The following SH3TC2 variants were observed in gnomAD, a reference collection of about 807,000 sequenced individuals.
The protein encoded by SH3TC2 is SH3 domain and tetratricopeptide repeats 2.
Under a neutral mutation model 124.5 loss-of-function variants are expected in SH3TC2, and 87 were observed. The ratio of observed to expected loss-of-function variants is 0.70; its 90% CI spans 0.59 to 0.84. The LOEUF (loss-of-function observed/expected upper bound fraction) is 0.84. Among genes scored for constraint, SH3TC2 ranks in the 40% least tolerant of loss-of-function variants. The pLI, the probability that SH3TC2 is intolerant of heterozygous loss-of-function variation, is 0.00. For missense variants in SH3TC2, 1,536 were observed against 1,566.4 expected (o/e 0.98, Z 0.33); for synonymous variants, 634 against 628.5 (o/e 1.01, Z -0.13).
At chr5:149,055,803 C>T (rs972600658) in intron 1 of SH3TC2, among the ~76,000 whole-genome samples, 3 of 152,050 alleles carry the variant, frequency 2.0e-5, no homozygotes, top group East Asian at 1.9e-4. Context: ...CACAGCAAAC[C>T]GGGCATGGTG....
chr5:149,021,527 G>T (rs555198803), intron 12 of SH3TC2, among the ~76,000 whole-genome samples: 2 of 151,930 alleles, frequency 1.3e-5, no homozygotes, highest in South Asian at 4.2e-4. Context: ...TCTCTGGCTA[G>T]TCTGATCAAG....
intron 3 of SH3TC2, chr5:149,046,312 T>C (rs903015558): frequency 6.6e-6 from 1 of 152,632 alleles, no homozygotes; most frequent in African/African-American, 2.4e-5. Flanking sequence ...CACCCAGAGC[T>C]TTATGAGCAA....
intron 1 of SH3TC2, among the ~76,000 whole-genome samples, chr5:149,061,884 C>T (rs1433737670): frequency 3.3e-5 from 5 of 152,024 alleles, no homozygotes; most frequent in Non-Finnish European, 7.4e-5. Flanking sequence ...AAAGTCGTGC[C>T]TTTTGTGCCA....
intron 13 of SH3TC2, among the ~76,000 whole-genome samples, chr5:149,012,110 C>A (rs574253168): frequency 6.6e-6 from 1 of 152,302 alleles, no homozygotes; most frequent in South Asian, 2.1e-4. Context: ...GCTTTTCTCT[C>A]TTCAAAGCCC....
At position 148,984,630 on chromosome 5, in the gene SH3TC2, T is replaced by C. The variant is rs10072222; in HGVS notation, c.*20081A>G. Among the ~76,000 whole-genome samples the C allele has an allele frequency of 1.8e-3, 272 of 152,294 alleles. No homozygotes were observed. The highest frequency in any genetic ancestry group is 6.2e-3 in the African/African-American group (258 of 41,570). Reference sequence around the variant, plus strand: ...GCTTCATATATCTCCAAGGTTGGTCTTTCAGGTTGGCATATAGGAAGGAAT... The same window carrying C: ...GCTTCATATATCTCCAAGGTTGGTCCTTCAGGTTGGCATATAGGAAGGAAT... On this transcript the variant is annotated 3_prime_UTR_variant, in exon 17 of 17. Transcript: ENST00000515425.
rs1753366114 is a variant in SH3TC2 at position 148,988,263 on chromosome 5, A to C, written c.*16448T>G. 6.6e-6 allele frequency among the ~76,000 whole-genome samples: 1 copy of C among 152,036 alleles called. No individual in the cohort carries two copies. The highest frequency in any genetic ancestry group is 2.1e-4 in the South Asian group (1 of 4,810). On this transcript the variant is annotated 3_prime_UTR_variant, in exon 17 of 17. Coordinates refer to ENST00000515425, the MANE Select transcript of SH3TC2 (RefSeq NM_024577.4). ...CATGAAAATCATTATCAAAAATCCT[A>C]CCCCAGATGGGAATGTTATCTGGTC...
chr5:149,053,536 T>G (rs1754591980), intron 1 of SH3TC2, among the ~76,000 whole-genome samples: 2 of 152,210 alleles, frequency 1.3e-5, no homozygotes, highest in South Asian at 4.1e-4. Context: ...CTGGCAGCAA[T>G]GAGCTATATA....
rs1754317705 is a variant in SH3TC2 at position 149,038,386 on chromosome 5, C to T, written c.910G>A (p.Gly304Arg). ...GACTTTCCAATGAACCACTGAAGCC[C>T]AGGTATGACAAAGCCGATGATCTCA... ...SIEIIGFVIPGLQWFIGKSTS... is the reference protein window; with the variant it reads ...SIEIIGFVIPRLQWFIGKSTS... The change falls in exon 8 of 17, where the codon GGG becomes AGG. Residue 304 changes from glycine (G) to arginine (R), a missense_variant. Physicochemically the swap from Gly to Arg is moderately radical, Grantham distance 125. This residue lies in a region of SH3TC2 where 1,102 missense variants were observed against 1,098.6 expected (regional missense o/e 1.00). Transcript: ENST00000515425. 4 of 1,614,186 alleles carry T rather than the reference C, an allele frequency of 2.5e-6. No homozygotes were observed. In the South Asian group the frequency reaches 4.4e-5, roughly 18 times the overall value.
chr5:148,983,358 T>C lies in SH3TC2; in HGVS notation c.*21353A>G, dbSNP rs936934836. ...ACACCTGTGGCCTAAGATATGGTAA[T>C]GGAGGGAACAGACCAGGTTCTGAGT... On this transcript the variant is annotated 3_prime_UTR_variant, in exon 17 of 17. Coordinates refer to ENST00000515425, the MANE Select transcript of SH3TC2 (RefSeq NM_024577.4). 1.3e-5 allele frequency among the ~76,000 whole-genome samples: 2 copies of C among 152,140 alleles called. No individual in the cohort carries two copies. The highest frequency in any genetic ancestry group is 4.8e-5 in the African/African-American group (2 of 41,430).
At chr5:149,045,151 T>C (rs1238364600) in intron 3 of SH3TC2, 2 of 153,880 alleles carry the variant, frequency 1.3e-5, no homozygotes, top group African/African-American at 4.8e-5. Context: ...CTAAAGATCA[T>C]CAGTGTTAAC....
intron 1 of SH3TC2, chr5:149,057,664 A>G (rs1369227814): frequency 6.6e-6 from 1 of 152,122 alleles, no homozygotes; most frequent in Non-Finnish European, 1.5e-5. Flanking sequence ...CAAGCTCTCT[A>G]TTTTTCAAAT....
At chr5:149,014,158 A>G (rs1296076941) in intron 12 of SH3TC2, among the ~76,000 whole-genome samples, 1 of 152,176 alleles carries the variant, frequency 6.6e-6, no homozygotes, top group East Asian at 1.9e-4. Context: ...TTCCCAAAAC[A>G]TGATTTGTGG....
At position 149,041,585 on chromosome 5, in the gene SH3TC2, T is replaced by A. The variant is rs778685136; in HGVS notation, c.562A>T (p.Thr188Ser). 1 of 1,613,946 alleles carries A rather than the reference T, an allele frequency of 6.2e-7. No individual in the cohort carries two copies. The highest frequency in any genetic ancestry group is 2.2e-5 in the East Asian group (1 of 44,882). The change falls in exon 6 of 17, where the codon ACT (threonine) becomes TCT (serine). Residue 188 changes from threonine to serine, a missense_variant. Thr to Ser is a moderately conservative substitution (Grantham distance 58). Around this residue, in one of 3 missense-constraint regions of SH3TC2, gnomAD observed 1,102 missense variants for 1,098.6 expected, o/e 1.00. Transcript: ENST00000515425. ...HFFCRALCSV[T>S]PPAEKEGECL... The stretch of plus-strand genomic sequence containing the variant: ...TCCCCTTCCTTCTCGGCTGGTGGAG[T>A]CACGGAGCACAGGGCTCTGCAGAAG...
At chr5:149,037,920 G>A (rs1021043932) in intron 8 of SH3TC2, among the ~76,000 whole-genome samples, 2 of 152,144 alleles carry the variant, frequency 1.3e-5, no homozygotes, top group African/African-American at 4.8e-5. Flanking sequence ...CCCTATGTGG[G>A]ATCAGCATGC....
chr5:149,061,608 T>C (rs1754749746), intron 1 of SH3TC2, among the ~76,000 whole-genome samples: 1 of 152,066 alleles, frequency 6.6e-6, no homozygotes, highest in Admixed American at 6.5e-5. Flanking sequence ...ACAGAGAAGT[T>C]AAATAAGTTG....
intron 1 of SH3TC2, among the ~76,000 whole-genome samples, chr5:149,061,178 A>G (rs1754740772): frequency 6.6e-6 from 1 of 152,236 alleles, no homozygotes; most frequent in Non-Finnish European, 1.5e-5. Context: ...AGGTGAAAGA[A>G]TAAAGTAATT....
chr5:149,055,942 A>G (rs1040063829), intron 1 of SH3TC2, among the ~76,000 whole-genome samples: 2 of 152,110 alleles, frequency 1.3e-5, no homozygotes, highest in African/African-American at 4.8e-5. Context: ...AAATAAATCC[A>G]ATACAACAAT....
At chr5:149,023,072 C>T (rs2127395909) in intron 12 of SH3TC2, among the ~76,000 whole-genome samples, 1 of 152,276 alleles carries the variant, frequency 6.6e-6, no homozygotes, top group East Asian at 1.9e-4. Flanking sequence ...GTAAGTAGTT[C>T]CAGATCCAGC....
chr5:149,018,978 A>G (rs1396568114), intron 12 of SH3TC2, among the ~76,000 whole-genome samples: 1 of 152,190 alleles, frequency 6.6e-6, no homozygotes, highest in East Asian at 1.9e-4. Context: ...CACTTCTTCC[A>G]TGAACACTTC....
Sources: allele counts gnomAD v4.1 joint callset (sites outside exome capture counted in the v4.1 genomes callset), GRCh38; gene constraint gnomAD v4.1.1; regional missense constraint gnomAD v4.1.1; transcripts MANE v1.5; gene names NCBI Gene and HGNC (gene_info 2026-07-23, HGNC 2026-07-21).